The following GNPAT variants were observed in gnomAD, a reference collection of about 807,000 sequenced individuals.
GNPAT encodes the protein dihydroxyacetone phosphate acyltransferase.
A neutral mutation model predicts 78.4 loss-of-function variants in GNPAT; 30 were observed. The observed-to-expected ratio is 0.38, with a 90% CI of 0.29 to 0.52. GNPAT has a LOEUF of 0.52. GNPAT is among the 20% of genes least tolerant of loss of function. GNPAT has a pLI of 0.84. For missense variants in GNPAT, 714 were observed against 812.2 expected, an observed-to-expected ratio of 0.88 and a Z score of 1.47; for synonymous variants, 271 against 281.1, an observed-to-expected ratio of 0.96 and a Z score of 0.36.
At chr1:231,258,921 G>A (rs12025558) in intron 2 of GNPAT, among the ~76,000 whole-genome samples, 2 of 151,766 alleles carry the variant, frequency 1.3e-5, no homozygotes, top group African/African-American at 4.8e-5. Context: ...ACAGGCATGA[G>A]CCACCACGCC....
At chr1:231,268,732 T>A (rs1571953198) in intron 9 of GNPAT, among the ~76,000 whole-genome samples, 1 of 146,300 alleles carries the variant, frequency 6.8e-6, no homozygotes, top group African/African-American at 2.6e-5. Flanking sequence ...ATGGTGAAAC[T>A]CCGTCTCTAC....
chr1:231,270,607 A>G (rs1371539185), intron 9 of GNPAT, 151 bp from the exon 10 acceptor site: 1 of 787,764 alleles, frequency 1.3e-6, no homozygotes, highest in Non-Finnish European at 2.3e-6. Flanking sequence ...TTTTCTTCAG[A>G]TTTGGTATCA....
intron 11 of GNPAT, 145 bp from the exon 12 acceptor site, chr1:231,273,777 T>C: frequency 1.4e-6 from 1 of 693,330 alleles, no homozygotes; most frequent in African/African-American, 1.8e-5. Context: ...GGGAAATAGC[T>C]GGTATTCTGT....
chr1:231,254,754 A>T (rs1684999011), intron 2 of GNPAT, among the ~76,000 whole-genome samples: 2 of 150,594 alleles, frequency 1.3e-5, no homozygotes, highest in Admixed American at 6.6e-5. Flanking sequence ...GGCCGAAAAA[A>T]ATTTTTTTTT....
At chr1:231,256,332 T>C (rs1019744955) in intron 2 of GNPAT, among the ~76,000 whole-genome samples, 1 of 151,396 alleles carries the variant, frequency 6.6e-6, no homozygotes, top group Non-Finnish European at 1.5e-5. Flanking sequence ...CTAAGATATA[T>C]TACCTCCTAC....
chr1:231,277,719 A>C lies in GNPAT; in HGVS notation c.*177A>C. The C allele has an allele frequency of 1.6e-6, 1 of 608,948 alleles. No homozygotes were observed. Among genetic ancestry groups the C allele is most frequent in the Non-Finnish European group, 3.0e-6 (1 of 337,538 alleles). 37.7% of individuals were successfully genotyped at this position (608,948 alleles called of 1,614,324 possible). A position where few individuals can be genotyped will look rare whatever the true frequency, so the allele number is the denominator to read the frequency against. Reference sequence around the variant, plus strand: ...GGAAGCAATCAGTTTACTCTTCCCCACCACAGTGGTTAAAAGGCGTTTGTA... The same window carrying C: ...GGAAGCAATCAGTTTACTCTTCCCCCCCACAGTGGTTAAAAGGCGTTTGTA... On this transcript the variant is annotated 3_prime_UTR_variant, in exon 16 of 16. Coordinates refer to ENST00000366647, the MANE Select transcript of GNPAT (RefSeq NM_014236.4).
chr1:231,258,779 C>T (rs1685138188), intron 2 of GNPAT, among the ~76,000 whole-genome samples: 1 of 150,992 alleles, frequency 6.6e-6, no homozygotes, highest in Non-Finnish European at 1.5e-5. Context: ...TATAGTCACC[C>T]ACCACCACAC....
At chr1:231,253,831 C>G (rs1684966507) in intron 2 of GNPAT, among the ~76,000 whole-genome samples, 1 of 152,218 alleles carries the variant, frequency 6.6e-6, no homozygotes, top group Admixed American at 6.5e-5. Flanking sequence ...AGTAGACATT[C>G]AATCAATATT....
intron 2 of GNPAT, among the ~76,000 whole-genome samples, chr1:231,255,914 T>C (rs1685042747): frequency 6.6e-6 from 1 of 152,170 alleles, no homozygotes; most frequent in Non-Finnish European, 1.5e-5. Context: ...TCTTGCTCTT[T>C]CTCCTTTCTT....
Position 231,256,330 on chromosome 1 carries a change from T to C in GNPAT, c.262-4177T>C, listed in dbSNP as rs529038234. On this transcript the variant is annotated intron_variant, in intron 2 of 15. Transcript: ENST00000366647. ...ACCCCTGAGCCAGGTGTCTAAGATA[T>C]ATTACCTCCTACCCCCACCCAGTTT... Among the ~76,000 whole-genome samples the C allele has an allele frequency of 7.9e-5, 12 of 151,394 alleles. No homozygotes were observed. In the South Asian group the frequency reaches 2.3e-3, roughly 29 times the overall value.
At position 231,277,648 on chromosome 1, in the gene GNPAT, C is replaced by T. The variant is rs892002293; in HGVS notation, c.*106C>T. 2 of 771,114 alleles carry T rather than the reference C, an allele frequency of 2.6e-6. No homozygotes were observed. Among genetic ancestry groups the T allele is most frequent in the African/African-American group, 1.7e-5 (1 of 58,822 alleles). 47.8% of individuals were successfully genotyped at this position (771,114 alleles called of 1,614,324 possible). ...GGAAGAGACACATCCTCTCATACTC[C>T]CTGAGACTCTGAGAACAGTGGACGC... On this transcript the variant is annotated 3_prime_UTR_variant, in exon 16 of 16. Transcript: ENST00000366647.
intron 2 of GNPAT, among the ~76,000 whole-genome samples, chr1:231,259,840 G>A (rs1442042140): frequency 6.6e-6 from 1 of 152,124 alleles, no homozygotes; most frequent in Non-Finnish European, 1.5e-5. Context: ...TCATTTCAAA[G>A]TGCTTGTTTA....
chr1:231,268,354 A>G (rs1571952757), intron 9 of GNPAT, among the ~76,000 whole-genome samples: 1 of 152,296 alleles, frequency 6.6e-6, no homozygotes, highest in South Asian at 2.1e-4. Flanking sequence ...TCACTATAGG[A>G]CACAGTGAAC....
chr1:231,242,472 A>C (rs187568252), intron 1 of GNPAT, among the ~76,000 whole-genome samples: 1 of 152,336 alleles, frequency 6.6e-6, no homozygotes, highest in African/African-American at 2.4e-5. Flanking sequence ...GAACATGGAG[A>C]AACTTCTGTT....
chr1:231,262,920 C>A (rs1182203170), intron 4 of GNPAT, 68 bp downstream of exon 4: 1 of 1,187,924 alleles, frequency 8.4e-7, no homozygotes, highest in African/African-American at 1.5e-5. Flanking sequence ...TCTAGCAGTA[C>A]TGAGGTATTT....
intron 8 of GNPAT, 60 bp from the exon 9 acceptor site, chr1:231,267,620 C>T (rs1286093111): frequency 1.3e-5 from 13 of 975,760 alleles, no homozygotes; most frequent in Non-Finnish European, 2.0e-5. Context: ...GAGTCTTTTT[C>T]CATCCCCATT....
At chr1:231,260,463 GTTA>G (rs1250661210) in intron 2 of GNPAT, 41 bp from the exon 3 acceptor site, 3 of 1,375,324 alleles carry the variant, frequency 2.2e-6, no homozygotes, top group Non-Finnish European at 3.1e-6. Context: ...TGACTTTTCT[GTTA>G]TTGTTGTTAG....
In GNPAT at chr1:231,262,736, T is replaced by C. The variant is rs766361223; in HGVS notation, c.452T>C (p.Ile151Thr). 6.2e-7 allele frequency: 1 copy of C among 1,610,012 alleles called. No individual in the cohort carries two copies. The highest frequency in any genetic ancestry group is 2.2e-5 in the East Asian group (1 of 44,866). ...EEGIQKLQRA[I>T]QEHPVVLLPS... ...TTTACTTTCAAGCTACAAAGAGCCA[T>C]CCAGGAGCATCCTGTTGTTCTGCTG... The change falls in exon 4 of 16, where the codon ATC (isoleucine) becomes ACC (threonine). Residue 151 changes from isoleucine to threonine, a missense_variant. By Grantham distance (89) the Ile-to-Thr change is moderately conservative. Transcript: ENST00000366647.
In GNPAT at chr1:231,262,838, T is replaced by C. The variant is rs774743796; in HGVS notation, c.554T>C (p.Ile185Thr). 6.2e-6 allele frequency: 10 copies of C among 1,612,074 alleles called. No individual in the cohort carries two copies. The highest frequency in any genetic ancestry group is 4.0e-5 in the African/African-American group (3 of 74,892). The change falls in exon 4 of 16, where the codon ATA becomes ACA. Residue 185 changes from isoleucine (I) to threonine (T), a missense_variant. Ile to Thr is a moderately conservative substitution (Grantham distance 89). Transcript: ENST00000366647. ...AATTATGATTTGCCTGTGCCAGTTATAGCAGCAGGAATGGGTATGTATTGT... is the reference window on the plus strand; with the variant it reads ...AATTATGATTTGCCTGTGCCAGTTACAGCAGCAGGAATGGGTATGTATTGT... ...LYNYDLPVPV[I>T]AAGMDFLGMK...
Sources: allele counts gnomAD v4.1 joint callset (sites outside exome capture counted in the v4.1 genomes callset), GRCh38; gene constraint gnomAD v4.1.1; transcripts MANE v1.5; gene names NCBI Gene and HGNC (gene_info 2026-07-23, HGNC 2026-07-21).